SPRY3: variants seen among roughly 807,000 people sequenced by gnomAD.
SPRY3 encodes protein sprouty homolog 3.
A neutral mutation model predicts 20.2 loss-of-function variants in SPRY3; 15 were observed. The ratio of observed to expected loss-of-function variants is 0.74; its 90% confidence interval spans 0.50 to 1.14. The LOEUF (loss-of-function observed/expected upper bound fraction) is 1.14, where lower values mean the gene tolerates loss of function less well. Ranked by LOEUF, SPRY3 falls within the 50% of genes most tolerant of loss-of-function variation. SPRY3 has a pLI of 0.00. For synonymous variants in SPRY3, 143 were observed against 136.5 expected (o/e 1.05, Z -0.33); for missense variants, 364 against 363.9 (o/e 1.00, Z 0.00).
At chrX:155,777,272 G>A (rs1313708102), downstream of SPRY3, 1 of 166,834 alleles carries the variant, frequency 6.0e-6, no homozygotes, top group Admixed American at 6.6e-5. Context: ...ATTATTCTAT[G>A]GATGTTTGCT....
intron 2 of SPRY3, among the ~76,000 whole-genome samples, chrX:155,693,490 C>A (rs892732559): frequency 3.8e-4 from 42 of 111,848 alleles, no homozygotes; most frequent in African/African-American, 1.4e-3. Context: ...AATATTAAGT[C>A]ACAGTAGTTG....
chrX:155,628,602 C>T (rs984294699), intron 1 of SPRY3, among the ~76,000 whole-genome samples: 1 of 112,341 alleles, frequency 8.9e-6, no homozygotes, highest in South Asian at 3.7e-4. Context: ...TAGAGAAATG[C>T]AAATCAAAAC....
chrX:155,757,259 C>T (rs1262509653), intron 2 of SPRY3, among the ~76,000 whole-genome samples: 1 of 152,136 alleles, frequency 6.6e-6, no homozygotes, highest in Non-Finnish European at 1.5e-5. Context: ...CTCTTTGCTC[C>T]TCCTAGAACA....
chrX:155,620,875 G>A (rs916036901), intron 1 of SPRY3, among the ~76,000 whole-genome samples: 2 of 111,877 alleles, frequency 1.8e-5, no homozygotes, highest in Non-Finnish European at 3.8e-5. Flanking sequence ...ATATTTGGTG[G>A]CTAACAGAAT....
intron 2 of SPRY3, among the ~76,000 whole-genome samples, chrX:155,684,339 G>C (rs1456976599): frequency 9.0e-6 from 1 of 111,323 alleles, no homozygotes; most frequent in Non-Finnish European, 1.9e-5. Flanking sequence ...GCTTGCAGCA[G>C]GTGAAGGGAC....
rs145920423 is a variant in SPRY3 at position 155,714,601 on chromosome X, G to A, written c.-281-53361G>A. Among the ~76,000 whole-genome samples the A allele has an allele frequency of 3.1e-3, 469 of 152,186 alleles. 2 individuals carry two copies. Among genetic ancestry groups the A allele is most frequent in the African/African-American group, 0.01 (430 of 41,532 alleles). ...CCCTGTGGCCACCACTAGAGGAACT[G>A]TGCTGGGTCAGACCTGAAGCCAGAA... On this transcript the variant is annotated intron_variant, in intron 2 of 3. Coordinates refer to ENST00000675360, the Ensembl canonical transcript of SPRY3.
chrX:155,750,113 A>G (rs1291476088), intron 2 of SPRY3, among the ~76,000 whole-genome samples: 3 of 151,880 alleles, frequency 2.0e-5, no homozygotes, highest in Admixed American at 1.3e-4. Context: ...AAAGAGTGAA[A>G]TCATGTCCTT....
intron 2 of SPRY3, among the ~76,000 whole-genome samples, chrX:155,717,144 G>C (rs1420352116): frequency 6.8e-6 from 1 of 147,292 alleles, no homozygotes; most frequent in East Asian, 2.0e-4. Context: ...GGGTGACAGA[G>C]TGAGACTGTC....
rs766785940 is a variant in SPRY3, at chrX:155,760,674, A to G, written c.-281-7288A>G. On this transcript the variant is annotated intron_variant, in intron 2 of 3. Transcript: ENST00000675360. ...ACTTTTCCGCCTCAGATTGTCAGGC[A>G]TTAGTTAGATTCTCATAAGGAGCAT... 3.3e-4 allele frequency among the ~76,000 whole-genome samples: 51 copies of G among 152,258 alleles called. 1 individual carries two copies. The highest frequency in any genetic ancestry group is 9.9e-4 in the African/African-American group (41 of 41,576).
At chrX:155,717,106 C>T (rs1223987157) in intron 2 of SPRY3, among the ~76,000 whole-genome samples, 1 of 146,068 alleles carries the variant, frequency 6.8e-6, no homozygotes, top group Non-Finnish European at 1.5e-5. Flanking sequence ...TTGCAGTGAG[C>T]CGAGATCACA....
At chrX:155,729,007 C>A (rs1442384400) in intron 2 of SPRY3, among the ~76,000 whole-genome samples, 1 of 152,044 alleles carries the variant, frequency 6.6e-6, no homozygotes, top group African/African-American at 2.4e-5. Flanking sequence ...AGGGTCAATT[C>A]TGCAAGAGGA....
downstream of SPRY3, chrX:155,780,209 C>T (rs867233301): frequency 4.2e-4 from 70 of 167,098 alleles, 1 homozygote; most frequent in South Asian, 6.0e-3. Flanking sequence ...ATCCTTTTGA[C>T]CATACCAGGT....
chrX:155,777,426 AGT>A, downstream of SPRY3: 1 of 166,752 alleles, frequency 6.0e-6, no homozygotes, highest in Admixed American at 6.6e-5. Flanking sequence ...AGCCTTTCTC[AGT>A]GTGTTTCTAA....
chrX:155,628,097 G>T (rs1000554016), intron 1 of SPRY3, among the ~76,000 whole-genome samples: 1 of 111,803 alleles, frequency 8.9e-6, no homozygotes, highest in African/African-American at 3.3e-5. Flanking sequence ...TTGCTATTGT[G>T]AATAGTGCTG....
intron 2 of SPRY3, among the ~76,000 whole-genome samples, chrX:155,744,261 C>A (rs1298885513): frequency 6.6e-6 from 1 of 151,966 alleles, no homozygotes. Context: ...TGAGAATAAG[C>A]AAGAGTCTTG....
intron 2 of SPRY3, among the ~76,000 whole-genome samples, chrX:155,718,897 T>A (rs2091038262): frequency 6.6e-6 from 1 of 151,912 alleles, no homozygotes; most frequent in South Asian, 2.1e-4. Flanking sequence ...CAATGAGGAT[T>A]TCTAGGAGCA....
At chrX:155,751,928 TAAAATAAAATAAAATA>T (rs946494279) in intron 2 of SPRY3, among the ~76,000 whole-genome samples, 57 of 21,960 alleles carry the variant, frequency 2.6e-3, no homozygotes, top group African/African-American at 0.024. Flanking sequence ...GGAAGGGAAA[TAAAATAAAATAAAATA>T]AAATAAAATA....
chrX:155,774,886 T>C, exon 4 of SPRY3: 2 of 855,252 alleles, frequency 2.3e-6, no homozygotes. Context: ...AATGACCAAG[T>C]ACATCCTGGT....
At chrX:155,703,922 G>C (rs1226286191) in intron 2 of SPRY3, among the ~76,000 whole-genome samples, 1 of 151,876 alleles carries the variant, frequency 6.6e-6, no homozygotes, top group South Asian at 2.1e-4. Context: ...TTTGAAGCCT[G>C]TGGTGGTTCA....
Sources: allele counts gnomAD v4.1 joint callset (sites outside exome capture counted in the v4.1 genomes callset), GRCh38; gene constraint gnomAD v4.1.1; transcripts MANE v1.5; gene names NCBI Gene and HGNC (gene_info 2026-07-23, HGNC 2026-07-21).